The following ATRX variants were observed in gnomAD, a reference collection of about 807,000 sequenced individuals.
ATRX encodes the protein chromatin remodeler ATRX.
ATRX carries 12 observed loss-of-function variants against 172.6 expected under a neutral mutation model. That is an observed-to-expected ratio of 0.07 (90% CI 0.04 to 0.11). The LOEUF (loss-of-function observed/expected upper bound fraction) is 0.11. Among genes scored for constraint, ATRX ranks in the 10% least tolerant of loss-of-function variants. The probability of loss-of-function intolerance (pLI) is 1.00; values close to 1 mark genes in which losing one functional copy is unlikely to be tolerated. For synonymous variants in ATRX, 674 were observed against 594.7 expected, an observed-to-expected ratio of 1.13 and a Z score of -1.94; for missense variants, 1,368 against 1,767.4, an observed-to-expected ratio of 0.77 and a Z score of 4.05.
chrX:77,546,492 T>G (rs1260557053), intron 30 of ATRX, among the ~76,000 whole-genome samples: 2 of 110,041 alleles, frequency 1.8e-5, no homozygotes, highest in Non-Finnish European at 3.8e-5. Flanking sequence ...AAGCCAGGAA[T>G]CTGCATTTTT....
At position 77,683,912 on chromosome X, in the gene ATRX, T is replaced by C. The variant is rs1358073611; in HGVS notation, c.1344A>G (p.Lys448=). 1 of 1,207,642 alleles carries C rather than the reference T, an allele frequency of 8.3e-7. No homozygotes were observed. The highest frequency in any genetic ancestry group is 1.7e-5 in the African/African-American group (1 of 57,275). Residue 448 remains lysine, a synonymous_variant, in exon 9 of 35, where the codon AAA becomes AAG. Coordinates refer to ENST00000373344, the MANE Select transcript of ATRX (RefSeq NM_000489.6). ...TATCCTTCTTTTCCAAAGCACAAGGTTTTTCTCCTTTTCGTGCTTTTGTTT... is the reference window on the plus strand; with the variant it reads ...TATCCTTCTTTTCCAAAGCACAAGGCTTTTCTCCTTTTCGTGCTTTTGTTT... ...KFETKARKGE[K]PCALEKKDIS... is the part of the protein sequence containing the mutation.
chrX:77,684,903 G>A (rs782812948), intron 8 of ATRX, 36 bp downstream of exon 8: 3 of 1,122,792 alleles, frequency 2.7e-6, no homozygotes, highest in Non-Finnish European at 3.7e-6. Context: ...CCCAAAAGTA[G>A]GAAACACTGA....
intron 22 of ATRX, among the ~76,000 whole-genome samples, chrX:77,605,177 A>C (rs1332851083): frequency 8.9e-6 from 1 of 112,521 alleles, no homozygotes; most frequent in African/African-American, 3.2e-5. Flanking sequence ...CTGTAATCCC[A>C]GAACTTTGGG....
At chrX:77,774,190 C>T (rs1557200905) in intron 1 of ATRX, among the ~76,000 whole-genome samples, 1 of 109,335 alleles carries the variant, frequency 9.1e-6, no homozygotes, top group African/African-American at 3.3e-5. Context: ...CCATTGCACT[C>T]CAGCCTGGGC....
intron 2 of ATRX, among the ~76,000 whole-genome samples, chrX:77,699,187 G>A (rs2072363876): frequency 9.1e-6 from 1 of 110,298 alleles, no homozygotes; most frequent in South Asian, 3.9e-4. Context: ...ATACTGGAGT[G>A]CAGAGGTGCT....
chrX:77,523,466 A>T, intron 30 of ATRX, 65 bp from the exon 31 acceptor site: 1 of 1,075,648 alleles, frequency 9.3e-7, no homozygotes, highest in Non-Finnish European at 1.3e-6. Context: ...ATATCTCCAT[A>T]GTTCTATGGT....
chrX:77,624,266 C>A (rs2067722972), intron 19 of ATRX, among the ~76,000 whole-genome samples: 1 of 111,093 alleles, frequency 9.0e-6, no homozygotes, highest in South Asian at 3.8e-4. Context: ...ACTCGGGAGG[C>A]TGAGGCAGGA....
chrX:77,716,110 A>ATTT (rs199639051), intron 2 of ATRX, among the ~76,000 whole-genome samples: 1,576 of 54,090 alleles, frequency 0.029, 96 homozygotes, highest in African/African-American at 0.044. Context: ...GTCTCTAAAA[A>ATTT]TTTTTTTTTT....
chrX:77,600,344 A>G (rs1434793334), intron 23 of ATRX, 90 bp downstream of exon 23: 1 of 1,054,518 alleles, frequency 9.5e-7, no homozygotes, highest in African/African-American at 1.9e-5. Flanking sequence ...AAAGCAATAG[A>G]AAATTTGAAT....
At chrX:77,773,932 T>A (rs1339088229) in intron 1 of ATRX, among the ~76,000 whole-genome samples, 1 of 110,920 alleles carries the variant, frequency 9.0e-6, no homozygotes, top group Non-Finnish European at 1.9e-5. Flanking sequence ...CTTTTAAAAA[T>A]GGAGAAGAGG....
At chrX:77,552,053 A>T (rs1187000177) in intron 30 of ATRX, among the ~76,000 whole-genome samples, 2 of 111,735 alleles carry the variant, frequency 1.8e-5, no homozygotes, top group South Asian at 3.8e-4. Flanking sequence ...ATTGTGGAAG[A>T]CAGTGTGGCG....
chrX:77,506,854 T>C lies in ATRX; in HGVS notation c.*1497A>G. ...GCAGTTTTAGCTAATGTTAAACTCA[T>C]TCTAATCCAGTGATACCTAAAGCAA... is the stretch of plus-strand genomic sequence containing the variant. On this transcript the variant is annotated 3_prime_UTR_variant, in exon 35 of 35. Coordinates refer to ENST00000373344, the MANE Select transcript of ATRX (RefSeq NM_000489.6). The C allele has an allele frequency of 5.8e-6, 1 of 170,945 alleles. No individual in the cohort carries two copies. The highest frequency in any genetic ancestry group is 3.1e-4 in the South Asian group (1 of 3,179). The allele number at this position is 170,945 out of a possible 1,213,427, so 14.1% of individuals were successfully genotyped here. A position where few individuals can be genotyped will look rare whatever the true frequency, so the allele number is the denominator to read the frequency against.
chrX:77,557,063 G>A (rs1308001371), intron 30 of ATRX, among the ~76,000 whole-genome samples: 1 of 111,626 alleles, frequency 9.0e-6, no homozygotes, highest in African/African-American at 3.3e-5. Context: ...AATAATACAC[G>A]TTTATAAAAT....
intron 22 of ATRX, among the ~76,000 whole-genome samples, chrX:77,610,195 C>T (rs191269456): frequency 4.0e-3 from 449 of 111,451 alleles, no homozygotes; most frequent in South Asian, 0.012. Context: ...ATAGTTTTAC[C>T]CCTTCCATGA....
intron 1 of ATRX, among the ~76,000 whole-genome samples, chrX:77,721,742 C>G (rs1341070419): frequency 9.0e-6 from 1 of 111,714 alleles, no homozygotes; most frequent in Non-Finnish European, 1.9e-5. Flanking sequence ...AATGGCCATA[C>G]TGCCCAAAGT....
At chrX:77,573,582 G>C (rs1385936541) in intron 28 of ATRX, among the ~76,000 whole-genome samples, 3 of 111,356 alleles carry the variant, frequency 2.7e-5, no homozygotes, top group African/African-American at 9.8e-5. Flanking sequence ...TTTATCATTA[G>C]GGAATAGCAA....
intron 27 of ATRX, among the ~76,000 whole-genome samples, chrX:77,588,214 T>C (rs1311767611): frequency 3.6e-5 from 4 of 111,991 alleles, no homozygotes; most frequent in Non-Finnish European, 7.5e-5. Flanking sequence ...CTGGGACAAA[T>C]GGATAACCAC....
chrX:77,715,250 T>C (rs1430172205), intron 2 of ATRX, among the ~76,000 whole-genome samples: 1 of 112,159 alleles, frequency 8.9e-6, no homozygotes, highest in Non-Finnish European at 1.9e-5. Context: ...TAATACTGTA[T>C]TTTTACTGTA....
intron 10 of ATRX, 99 bp downstream of exon 10, chrX:77,676,127 C>G (rs1256519166): frequency 1.2e-6 from 1 of 820,246 alleles, no homozygotes; most frequent in African/African-American, 2.0e-5. Context: ...GCAGGCACTC[C>G]TGGTTTTTAC....
Sources: gnomAD v4.1 joint callset for allele counts (sites outside exome capture counted in the v4.1 genomes callset) on GRCh38, gnomAD v4.1.1 for gene constraint, MANE v1.5 for transcripts, NCBI Gene and HGNC (gene_info 2026-07-23, HGNC 2026-07-21) for gene names.